The following VPS13B variants were observed in gnomAD, a reference collection of about 807,000 sequenced individuals.
VPS13B encodes intermembrane lipid transfer protein VPS13B.
VPS13B carries 285 observed loss-of-function variants against 426.4 expected under a neutral mutation model. That is an observed-to-expected ratio of 0.67 (90% CI 0.61 to 0.74). The LOEUF is 0.74. Ranked by LOEUF, VPS13B falls within the 30% of genes least tolerant of loss-of-function variation. The pLI is 0.00. For missense variants in VPS13B, 4,537 were observed against 4,782.6 expected (o/e 0.95, Z 1.51); for synonymous variants, 1,676 against 1,676.4 (o/e 1.00, Z 0.01).
chr8:99,460,938 G>A (rs908057429), intron 23 of VPS13B, among the ~76,000 whole-genome samples: 1 of 152,106 alleles, frequency 6.6e-6, no homozygotes, highest in African/African-American at 2.4e-5. Flanking sequence ...CTCACTCTTC[G>A]TATCCTAAGT....
At chr8:99,252,318 A>G (rs1167842628) in intron 17 of VPS13B, among the ~76,000 whole-genome samples, 1 of 151,682 alleles carries the variant, frequency 6.6e-6, no homozygotes, top group South Asian at 2.1e-4. Flanking sequence ...TGGCTCATGG[A>G]CTATTTAGGT....
At chr8:99,523,214 T>C (rs1822468012) in intron 30 of VPS13B, among the ~76,000 whole-genome samples, 1 of 152,190 alleles carries the variant, frequency 6.6e-6, no homozygotes. Context: ...GAGCACCAAG[T>C]AGATTCCTAA....
intron 19 of VPS13B, among the ~76,000 whole-genome samples, chr8:99,377,443 A>G (rs999770721): frequency 6.6e-6 from 1 of 152,096 alleles, no homozygotes. Context: ...TCTCTCTTCA[A>G]CTGCATCTAA....
At chr8:99,328,220 G>T (rs1408194613) in intron 19 of VPS13B, among the ~76,000 whole-genome samples, 2 of 152,120 alleles carry the variant, frequency 1.3e-5, no homozygotes, top group Non-Finnish European at 2.9e-5. Context: ...ATCTGAGGTG[G>T]AACAGTTTCA....
chr8:99,158,330 C>T (rs1256947924), intron 15 of VPS13B, among the ~76,000 whole-genome samples: 13 of 152,002 alleles, frequency 8.6e-5, no homozygotes, highest in Non-Finnish European at 1.6e-4. Flanking sequence ...GTCAGGAGAT[C>T]GACCAGCCTG....
chr8:99,772,722 A>C (rs1811570019), intron 40 of VPS13B, among the ~76,000 whole-genome samples: 1 of 152,202 alleles, frequency 6.6e-6, no homozygotes, highest in African/African-American at 2.4e-5. Context: ...ATTACAATAA[A>C]AGTGTGCTTG....
intron 17 of VPS13B, among the ~76,000 whole-genome samples, chr8:99,257,635 C>T (rs1373524753): frequency 3.3e-5 from 5 of 152,110 alleles, no homozygotes; most frequent in Admixed American, 6.6e-5. Flanking sequence ...TTATTTCTTT[C>T]AGCTAGTCAT....
chr8:99,729,851 A>T (rs1348967980), intron 39 of VPS13B, among the ~76,000 whole-genome samples: 3 of 152,230 alleles, frequency 2.0e-5, no homozygotes, highest in African/African-American at 7.2e-5. Flanking sequence ...AATAGTCAGT[A>T]TTATCCAATA....
intron 17 of VPS13B, among the ~76,000 whole-genome samples, chr8:99,266,613 G>A (rs1818320424): frequency 6.6e-6 from 1 of 152,056 alleles, no homozygotes; most frequent in South Asian, 2.1e-4. Context: ...AATCATGGGG[G>A]GTGGTTACCC....
intron 35 of VPS13B, among the ~76,000 whole-genome samples, chr8:99,691,247 CTGTGTGTGTG>C (rs144300139): frequency 6.8e-6 from 1 of 146,918 alleles, no homozygotes; most frequent in African/African-American, 2.5e-5. Flanking sequence ...GTATGGGATA[CTGTGTGTGTG>C]TGTGTGTGTG....
At chr8:99,848,727 T>C in intron 54 of VPS13B, 49 bp from the exon 55 acceptor site, 1 of 1,562,924 alleles carries the variant, frequency 6.4e-7, no homozygotes, top group African/African-American at 1.4e-5. Flanking sequence ...GCCACTTCAA[T>C]AGTGTTTCTT....
chr8:99,131,825 C>T (rs1353020115), intron 8 of VPS13B, among the ~76,000 whole-genome samples: 7 of 152,046 alleles, frequency 4.6e-5, no homozygotes, highest in South Asian at 2.1e-4. Flanking sequence ...AAGTGTGCCA[C>T]GTTAATTGAC....
intron 3 of VPS13B, among the ~76,000 whole-genome samples, chr8:99,082,894 C>A (rs529214740): frequency 5.3e-5 from 8 of 152,166 alleles, no homozygotes; most frequent in Non-Finnish European, 7.4e-5. Context: ...GTCAGGTAGC[C>A]TGATGCCTCC....
At chr8:99,501,400 A>C (rs943906910) in intron 25 of VPS13B, among the ~76,000 whole-genome samples, 2 of 152,074 alleles carry the variant, frequency 1.3e-5, no homozygotes, top group African/African-American at 2.4e-5. Context: ...TGCAGACTCT[A>C]CTCTATAGGA....
At chr8:99,727,437 G>A (rs1349157307) in intron 39 of VPS13B, among the ~76,000 whole-genome samples, 1 of 152,188 alleles carries the variant, frequency 6.6e-6, no homozygotes, top group African/African-American at 2.4e-5. Context: ...CCCAAGACTG[G>A]CCAATTTACA....
chr8:99,743,168 C>G (rs1457151327), intron 39 of VPS13B, among the ~76,000 whole-genome samples: 1 of 152,188 alleles, frequency 6.6e-6, no homozygotes, highest in Non-Finnish European at 1.5e-5. Context: ...CACAAGCATT[C>G]TTATACACCA....
chr8:99,817,460 T>C (rs1474383103), intron 44 of VPS13B, 80 bp from the exon 45 acceptor site: 3 of 1,520,096 alleles, frequency 2.0e-6, no homozygotes, highest in African/African-American at 1.4e-5. Context: ...TCAACATAGT[T>C]TACTCTGTTT....
chr8:99,064,417 C>A (rs1214928531), intron 3 of VPS13B, among the ~76,000 whole-genome samples: 1 of 152,108 alleles, frequency 6.6e-6, no homozygotes, highest in African/African-American at 2.4e-5. Context: ...CCTTAAATGA[C>A]CTGATGGAGC....
chr8:99,664,314 CT>C (rs61246819), intron 35 of VPS13B, among the ~76,000 whole-genome samples: 25,188 of 143,374 alleles, frequency 0.18, 2,621 homozygotes, highest in East Asian at 0.49. Context: ...CAGAAATGTA[CT>C]TTTTTTTTTT....
Sources: gnomAD v4.1 joint callset for allele counts (sites outside exome capture counted in the v4.1 genomes callset) on GRCh38, gnomAD v4.1.1 for gene constraint, MANE v1.5 for transcripts, NCBI Gene and HGNC (gene_info 2026-07-23, HGNC 2026-07-21) for gene names.